WDCP: variants seen among roughly 807,000 people sequenced by gnomAD.
WDCP encodes WD repeat and coiled coil containing.
In WDCP, 19 loss-of-function variants were observed where a neutral mutation model predicts 41.6. The observed-to-expected ratio is 0.46, with a 90% CI of 0.32 to 0.67. The LOEUF is 0.67. Ranked by LOEUF, WDCP falls within the 30% of genes least tolerant of loss-of-function variation. The pLI, the probability that WDCP is intolerant of heterozygous loss-of-function variation, is 0.04. For synonymous variants in WDCP, 302 were observed against 320.8 expected, an observed-to-expected ratio of 0.94 and a Z score of 0.63; for missense variants, 802 against 850.7, an observed-to-expected ratio of 0.94 and a Z score of 0.71.
chr2:24,037,462 T>C (rs1382790016), intron 2 of WDCP, among the ~76,000 whole-genome samples: 1 of 152,226 alleles, frequency 6.6e-6, no homozygotes, highest in Non-Finnish European at 1.5e-5. Flanking sequence ...ATGCACCTGA[T>C]AAAATCATGA....
At position 24,039,038 on chromosome 2, in the gene WDCP, T is replaced by C. The variant is rs1663344171; in HGVS notation, c.457A>G (p.Ile153Val). The C allele has an allele frequency of 3.7e-6, 6 of 1,614,168 alleles. No homozygotes were observed. Among genetic ancestry groups the C allele is most frequent in the Non-Finnish European group, 5.1e-6 (6 of 1,180,038 alleles). Residue 153 changes from isoleucine (I) to valine (V), a missense_variant, in exon 2 of 4, where the codon ATC becomes GTC. Coordinates refer to ENST00000295148, the MANE Select transcript of WDCP (RefSeq NM_025203.3). ...HSDDSQVKAD[I>V]NTQGRIHCAC... ...CAGTGAATGCGGCCCTGGGTGTTGA[T>C]GTCTGCCTTTACCTGGGAATCATCA...
intron 1 of WDCP, among the ~76,000 whole-genome samples, chr2:24,039,989 C>T (rs1273719656): frequency 1.3e-5 from 2 of 151,672 alleles, no homozygotes; most frequent in Non-Finnish European, 1.5e-5. Context: ...TTAGTAGAGA[C>T]GGGGTTTCAC....
In WDCP at chr2:24,038,887, T is replaced by C; in HGVS notation, c.608A>G (p.Asp203Gly). 6.2e-7 allele frequency: 1 copy of C among 1,614,232 alleles called. No individual in the cohort carries two copies. Among genetic ancestry groups the C allele is most frequent in the Middle Eastern group, 1.6e-4 (1 of 6,062 alleles). ...RCSSCLVFDV[D>G]SHVCSITATV... ...TGCTGTGATGGAGCAGACGTGGCTG[T>C]CCACATCAAACACCAGGCAGGAGGA... Residue 203 changes from aspartate (D) to glycine (G), a missense_variant, in exon 2 of 4, where the codon GAC becomes GGC. Physicochemically the swap from Asp to Gly is moderately conservative, Grantham distance 94. Transcript: ENST00000295148.
chr2:24,043,296 A>G (rs1042031511), intron 1 of WDCP, among the ~76,000 whole-genome samples: 1 of 152,208 alleles, frequency 6.6e-6, no homozygotes, highest in African/African-American at 2.4e-5. Context: ...AGATGGCACC[A>G]CTGCACTGTA....
chr2:24,042,893 C>CGTGGT (rs1663493573), intron 1 of WDCP, among the ~76,000 whole-genome samples: 1 of 133,214 alleles, frequency 7.5e-6, no homozygotes, highest in African/African-American at 2.8e-5. Context: ...ATTAGCTGGG[C>CGTGGT]GTGGTGGCAC....
chr2:24,029,571 C>T lies in WDCP; in HGVS notation c.*1362G>A, dbSNP rs998393305. 9 of 152,212 alleles carry T rather than the reference C, an allele frequency of 5.9e-5. No homozygotes were observed. The highest frequency in any genetic ancestry group is 2.2e-4 in the African/African-American group (9 of 41,442). 9.4% of individuals were successfully genotyped at this position (152,212 alleles called of 1,614,324 possible). On this transcript the variant is annotated 3_prime_UTR_variant, in exon 4 of 4. Transcript: ENST00000295148. ...CTGCTCTCCCACAGCTGATTACAGA[C>T]ATTGCCTGTGCTTCCTACCCCAGCA...
rs769345364 is a variant in WDCP at position 24,031,074 on chromosome 2, G to T, written c.2025C>A (p.Gly675=). 6.2e-7 allele frequency: 1 copy of T among 1,614,142 alleles called. No individual in the cohort carries two copies. The highest frequency in any genetic ancestry group is 8.5e-7 in the Non-Finnish European group (1 of 1,179,966). The change falls in exon 4 of 4, where the codon GGC becomes GGA. Residue 675 remains glycine (G), a synonymous_variant. Transcript: ENST00000295148. The stretch of plus-strand genomic sequence containing the variant: ...TGAAGACATCTGACCTGGACAGGCT[G>T]CCATCTCTTATGATTATTTCCTGTG... ...TATQEIIIRD[G]SLSRSDVFRD...
chr2:24,042,840 C>A (rs907839821), intron 1 of WDCP, among the ~76,000 whole-genome samples: 1 of 151,680 alleles, frequency 6.6e-6, no homozygotes, highest in Non-Finnish European at 1.5e-5. Flanking sequence ...TCGAGACCAG[C>A]CTGACCAACA....
At chr2:24,031,434 C>G (rs1054675139) in intron 3 of WDCP, among the ~76,000 whole-genome samples, 1 of 152,174 alleles carries the variant, frequency 6.6e-6, no homozygotes, top group African/African-American at 2.4e-5. Flanking sequence ...CAACCATGCT[C>G]CACATCTGAT....
intron 1 of WDCP, among the ~76,000 whole-genome samples, chr2:24,045,513 A>G (rs1415445735): frequency 1.3e-5 from 2 of 151,318 alleles, no homozygotes. Context: ...CAGCAGGAGA[A>G]TCGCTTGAAC....
At position 24,029,851 on chromosome 2, in the gene WDCP, T is replaced by A. The variant is rs1663057357; in HGVS notation, c.*1082A>T. On this transcript the variant is annotated 3_prime_UTR_variant, in exon 4 of 4. Coordinates refer to ENST00000295148, the MANE Select transcript of WDCP (RefSeq NM_025203.3). ...GCCGTGACTGAAATCTGTGATTCCA[T>A]CTGAAGGCAGTGAGAAGTGGTGTTA... The A allele has an allele frequency of 1.3e-5, 2 of 152,480 alleles. No individual in the cohort carries two copies. Among genetic ancestry groups the A allele is most frequent in the African/African-American group, 4.8e-5 (2 of 41,446 alleles). 9.4% of individuals were successfully genotyped at this position (152,480 alleles called of 1,614,324 possible).
chr2:24,041,403 C>G (rs1558336353), intron 1 of WDCP, among the ~76,000 whole-genome samples: 1 of 151,738 alleles, frequency 6.6e-6, no homozygotes, highest in Non-Finnish European at 1.5e-5. Flanking sequence ...TCCTCCTTTC[C>G]AACATTTCAA....
chr2:24,036,386 A>G (rs1428860811), intron 2 of WDCP, among the ~76,000 whole-genome samples: 1 of 151,928 alleles, frequency 6.6e-6, no homozygotes, highest in Non-Finnish European at 1.5e-5. Flanking sequence ...ATGTGCTTGT[A>G]GTCTCAGCTG....
rs1202168051 is a variant in WDCP, at chr2:24,039,009, T to G, written c.486A>C (p.Ala162=). 6.2e-7 allele frequency: 1 copy of G among 1,614,170 alleles called. No homozygotes were observed. Among genetic ancestry groups the G allele is most frequent in the Non-Finnish European group, 8.5e-7 (1 of 1,180,038 alleles). Residue 162 remains alanine (A), a synonymous_variant, in exon 2 of 4, where the codon GCA becomes GCC. Transcript: ENST00000295148. ...DINTQGRIHC[A]CWTQDGLRLV... ...GCCTCAGGCCATCCTGGGTCCAACA[T>G]GCACAGTGAATGCGGCCCTGGGTGT...
intron 1 of WDCP, 127 bp from the exon 2 acceptor site, chr2:24,039,639 G>A: frequency 1.3e-6 from 1 of 746,020 alleles, no homozygotes; most frequent in Non-Finnish European, 2.1e-6. Flanking sequence ...AAGGACAGGG[G>A]GAGTATTATA....
At chr2:24,040,436 T>C (rs1423239594) in intron 1 of WDCP, among the ~76,000 whole-genome samples, 3 of 152,230 alleles carry the variant, frequency 2.0e-5, no homozygotes, top group African/African-American at 7.2e-5. Context: ...GCCAAATCAA[T>C]GAATAACTGA....
Position 24,038,634 on chromosome 2 carries a change from G to A in WDCP, c.861C>T (p.His287=). 6.2e-7 allele frequency: 1 copy of A among 1,614,176 alleles called. No individual in the cohort carries two copies. Among genetic ancestry groups the A allele is most frequent in the Non-Finnish European group, 8.5e-7 (1 of 1,180,014 alleles). ...CAGACTTATGTTGATTGAAATGTAT[G>A]TGAGTTAGATCCAGAGGTTCTAAAT... The part of the protein sequence containing the change: ...SSYLEPLDLT[H]IHFNQHKSEG... Residue 287 remains histidine (H), a synonymous_variant, in exon 2 of 4, where the codon CAC becomes CAT. Coordinates refer to ENST00000295148, the MANE Select transcript of WDCP (RefSeq NM_025203.3).
intron 2 of WDCP, among the ~76,000 whole-genome samples, chr2:24,035,563 A>G (rs1435629333): frequency 6.6e-6 from 1 of 152,140 alleles, no homozygotes; most frequent in Non-Finnish European, 1.5e-5. Flanking sequence ...TTAAAAAGTC[A>G]TAGTAGGAAA....
chr2:24,041,552 TA>T (rs1345932582), intron 1 of WDCP, among the ~76,000 whole-genome samples: 4 of 152,036 alleles, frequency 2.6e-5, no homozygotes, highest in East Asian at 3.9e-4. Context: ...TGGTGGCTCA[TA>T]GGCATGAGCC....
Sources: gnomAD v4.1 joint callset for allele counts (sites outside exome capture counted in the v4.1 genomes callset) on GRCh38, gnomAD v4.1.1 for gene constraint, MANE v1.5 for transcripts, NCBI Gene and HGNC (gene_info 2026-07-23, HGNC 2026-07-21) for gene names.